PDS5B: variants seen among roughly 807,000 people sequenced by gnomAD.
PDS5B encodes the protein PDS5 cohesin associated factor B, also known as sister chromatid cohesion protein PDS5 homolog B.
In PDS5B, 51 loss-of-function variants were observed where a neutral mutation model predicts 184.1. The ratio of observed to expected loss-of-function variants is 0.28; its 90% CI spans 0.22 to 0.35. The LOEUF is 0.35. Ranked by LOEUF, PDS5B falls within the 10% of genes least tolerant of loss-of-function variation. The pLI is 1.00. For missense variants in PDS5B, 1,180 were observed against 1,723.3 expected (o/e 0.68, Z 5.58); for synonymous variants, 566 against 569.2 (o/e 0.99, Z 0.08).
chr13:32,758,812 T>C (rs1954275898), intron 28 of PDS5B, among the ~76,000 whole-genome samples, 159 bp downstream of exon 28: 1 of 152,122 alleles, frequency 6.6e-6, no homozygotes, highest in Admixed American at 6.6e-5. Flanking sequence ...AGGACACACA[T>C]AAGGTTCAGA....
At chr13:32,607,955 C>A (rs1025215597) in intron 1 of PDS5B, among the ~76,000 whole-genome samples, 1 of 152,210 alleles carries the variant, frequency 6.6e-6, no homozygotes, top group African/African-American at 2.4e-5. Flanking sequence ...CAGGTACTGT[C>A]TGTCATGGCT....
At chr13:32,734,478 G>A (rs962759903) in intron 20 of PDS5B, among the ~76,000 whole-genome samples, 1 of 151,918 alleles carries the variant, frequency 6.6e-6, no homozygotes, top group African/African-American at 2.4e-5. Context: ...TTAATATTTG[G>A]TGCTATAATG....
intron 1 of PDS5B, among the ~76,000 whole-genome samples, chr13:32,611,057 A>T (rs139175376): frequency 0.018 from 2,730 of 151,968 alleles, 35 homozygotes; most frequent in Non-Finnish European, 0.028. Context: ...AATAATTATG[A>T]ATTTTACTTA....
At chr13:32,655,385 T>A (rs865982868) in intron 3 of PDS5B, among the ~76,000 whole-genome samples, 2,035 of 118,376 alleles carry the variant, frequency 0.017, 45 homozygotes, top group African/African-American at 0.028. Context: ...TTTTTTTTTT[T>A]TTTTTTTTTT....
At chr13:32,730,306 T>C (rs559725624) in intron 19 of PDS5B, among the ~76,000 whole-genome samples, 10 of 152,310 alleles carry the variant, frequency 6.6e-5, no homozygotes, top group Middle Eastern at 3.4e-3. Flanking sequence ...TTGGTCTATT[T>C]ATCTGTTTTG....
In PDS5B at chr13:32,777,144, T is replaced by TA; in HGVS notation, c.*2093dup. The TA allele has an allele frequency of 6.6e-6, 1 of 152,102 alleles. No homozygotes were observed. The highest frequency in any genetic ancestry group is 1.9e-4 in the East Asian group (1 of 5,190). 9.4% of individuals were successfully genotyped at this position (152,102 alleles called of 1,614,324 possible). A position where few individuals can be genotyped will look rare whatever the true frequency, so the allele number is the denominator to read the frequency against. The stretch of plus-strand genomic sequence containing the variant: ...AATATTAAGAACATTTTATAAAACA[T>TA]ACGAAAAAGTGATTGTGAAGGATTT... On this transcript the variant is annotated 3_prime_UTR_variant, in exon 35 of 35. Transcript: ENST00000315596.
intron 13 of PDS5B, among the ~76,000 whole-genome samples, chr13:32,692,454 C>T (rs979239384): frequency 2.9e-5 from 3 of 103,192 alleles, no homozygotes; most frequent in African/African-American, 7.0e-5. Flanking sequence ...AGATAGAGTC[C>T]GATGGGTGAC....
At position 32,659,150 on chromosome 13, in the gene PDS5B, G is replaced by T. The variant is rs374120955; in HGVS notation, c.498-4G>T. ...ATTGAAACAAAATCTGTTTTGAATT[G>T]CAGCAATGGCCACAATCAGAAAGTC... On this transcript the variant is annotated splice_polypyrimidine_tract_variant and splice_region_variant and intron_variant, in intron 5 of 34. Coordinates refer to ENST00000315596, the MANE Select transcript of PDS5B (RefSeq NM_015032.4). The T allele has an allele frequency of 2.0e-6, 3 of 1,527,590 alleles. No homozygotes were observed. The African/African-American group carries it at 4.1e-5, about 21-fold the overall frequency. 94.6% of individuals were successfully genotyped at this position (1,527,590 alleles called of 1,614,324 possible). A position where few individuals can be genotyped will look rare whatever the true frequency, so the allele number is the denominator to read the frequency against.
At chr13:32,638,486 A>G (rs1201407822) in intron 1 of PDS5B, among the ~76,000 whole-genome samples, 1 of 152,162 alleles carries the variant, frequency 6.6e-6, no homozygotes, top group Non-Finnish European at 1.5e-5. Context: ...TTGAAAGTAG[A>G]TAGTATAGAT....
chr13:32,630,328 G>A lies in PDS5B; in HGVS notation c.-19-18426G>A, dbSNP rs188203178. Among the ~76,000 whole-genome samples, 91 of 152,298 alleles carry A rather than the reference G, an allele frequency of 6.0e-4. 1 individual carries two copies. The highest frequency in any genetic ancestry group is 1.0e-3 in the Non-Finnish European group (69 of 68,024). Reference sequence around the variant, plus strand: ...GTAGTTCTCAGTGTGGGGTGATTTTGCCCTGCAGGGGACACTTGGCAATGT... The same window carrying A: ...GTAGTTCTCAGTGTGGGGTGATTTTACCCTGCAGGGGACACTTGGCAATGT... On this transcript the variant is annotated intron_variant, in intron 1 of 34. Coordinates refer to ENST00000315596, the MANE Select transcript of PDS5B (RefSeq NM_015032.4).
At chr13:32,757,075 A>G (rs965578019) in intron 26 of PDS5B, among the ~76,000 whole-genome samples, 4 of 152,026 alleles carry the variant, frequency 2.6e-5, no homozygotes, top group Non-Finnish European at 4.4e-5. Flanking sequence ...GCAGTGAGCC[A>G]AGATCACACC....
intron 31 of PDS5B, 143 bp from the exon 32 acceptor site, chr13:32,769,978 T>TA (rs1954722231): frequency 3.4e-6 from 2 of 588,070 alleles, no homozygotes; most frequent in Non-Finnish European, 5.5e-6. Context: ...AGCAAATAAA[T>TA]ACAGTTCTGG....
At chr13:32,707,993 A>C (rs187596141) in intron 18 of PDS5B, among the ~76,000 whole-genome samples, 2 of 151,984 alleles carry the variant, frequency 1.3e-5, no homozygotes, top group South Asian at 4.2e-4. Context: ...TACCATTGCT[A>C]TGGCAATACC....
At chr13:32,703,556 C>T (rs1951922167) in intron 17 of PDS5B, among the ~76,000 whole-genome samples, 1 of 152,176 alleles carries the variant, frequency 6.6e-6, no homozygotes, top group African/African-American at 2.4e-5. Flanking sequence ...TCCCATTTTA[C>T]AGATAAAGAG....
intron 34 of PDS5B, 51 bp downstream of exon 34, chr13:32,773,375 A>C (rs372155243): frequency 4.7e-6 from 7 of 1,502,720 alleles, no homozygotes; most frequent in Non-Finnish European, 6.3e-6. Context: ...AAGAGTTAGT[A>C]AATGTTTGGT....
At chr13:32,644,166 G>T (rs1186923207) in intron 1 of PDS5B, among the ~76,000 whole-genome samples, 2 of 152,164 alleles carry the variant, frequency 1.3e-5, no homozygotes, top group East Asian at 1.9e-4. Context: ...TGTGTTACCT[G>T]TTGTTACCTG....
At chr13:32,611,022 C>G (rs2140508792) in intron 1 of PDS5B, among the ~76,000 whole-genome samples, 1 of 151,260 alleles carries the variant, frequency 6.6e-6, no homozygotes, top group African/African-American at 2.4e-5. Flanking sequence ...TAGTGTTAAT[C>G]TTTATGGTTT....
At chr13:32,700,624 T>A (rs1951838966) in intron 16 of PDS5B, among the ~76,000 whole-genome samples, 1 of 152,138 alleles carries the variant, frequency 6.6e-6, no homozygotes, top group Non-Finnish European at 1.5e-5. Flanking sequence ...GTTTGTCATA[T>A]GGCATTTGCT....
chr13:32,645,961 C>A (rs147187285), intron 1 of PDS5B, among the ~76,000 whole-genome samples: 2 of 151,570 alleles, frequency 1.3e-5, no homozygotes, highest in South Asian at 2.1e-4. Flanking sequence ...TGTCTGGCTT[C>A]TTTCACTTTG....
Sources: gnomAD v4.1 joint callset for allele counts (sites outside exome capture counted in the v4.1 genomes callset) on GRCh38, gnomAD v4.1.1 for gene constraint, MANE v1.5 for transcripts, NCBI Gene and HGNC (gene_info 2026-07-23, HGNC 2026-07-21) for gene names.